Variants in IAH1 observed in about 807,000 individuals in gnomAD.
IAH1 encodes isoamyl acetate hydrolyzing esterase 1 (putative).
In IAH1, 24 loss-of-function variants were observed where a neutral mutation model predicts 26.7. That is an observed-to-expected ratio of 0.90 (90% CI 0.65 to 1.26). IAH1 has a LOEUF of 1.26. IAH1 is among the 50% of genes most tolerant of loss of function. IAH1 has a pLI of 0.00. For missense variants in IAH1, 300 were observed against 299.9 expected (o/e 1.00, Z 0.00); for synonymous variants, 140 against 118.5 (o/e 1.18, Z -1.18).
chr2:9,501,254 AAAAAAAAGT>A (rs2124988703), downstream of IAH1, among the ~76,000 whole-genome samples: 1 of 152,350 alleles, frequency 6.6e-6, no homozygotes, highest in Admixed American at 6.5e-5. Context: ...GGGCTGTTAA[AAAAAAAAGT>A]AAGAACAAGA....
At chr2:9,498,572 C>T (rs1012743958), downstream of IAH1, among the ~76,000 whole-genome samples, 2 of 152,180 alleles carry the variant, frequency 1.3e-5, no homozygotes, top group African/African-American at 4.8e-5. Flanking sequence ...AGCAGTAACA[C>T]AAAATGTACA....
downstream of IAH1, chr2:9,490,332 C>T (rs753859098): frequency 3.7e-6 from 6 of 1,614,018 alleles, no homozygotes; most frequent in African/African-American, 1.3e-5. Flanking sequence ...AACCCATCCT[C>T]GTCCATATGT....
intron 5 of IAH1, chr2:9,485,833 G>A (rs574556405): frequency 1.3e-5 from 2 of 152,346 alleles, no homozygotes; most frequent in South Asian, 4.1e-4. Context: ...AGCTTGTTCA[G>A]TAGGGCACAT....
At chr2:9,493,705 A>G, downstream of IAH1, 1 of 1,541,842 alleles carries the variant, frequency 6.5e-7, no homozygotes, top group Non-Finnish European at 9.0e-7. Flanking sequence ...CATCACAGAA[A>G]TTGACTCAGC....
the IAH1 span, chr2:9,505,408 A>C: frequency 5.2e-6 from 8 of 1,549,844 alleles, no homozygotes; most frequent in Middle Eastern, 1.7e-4. Context: ...TAATATCATA[A>C]AAATGTATTC....
downstream of IAH1, chr2:9,493,908 A>ATG (rs999363388): frequency 7.7e-6 from 9 of 1,163,526 alleles, no homozygotes; most frequent in Admixed American, 2.1e-5. Context: ...AATAACTGAC[A>ATG]TGTAAAGGGC....
downstream of IAH1, among the ~76,000 whole-genome samples, chr2:9,492,665 C>T (rs1490106434): frequency 6.6e-6 from 1 of 152,096 alleles, no homozygotes; most frequent in Non-Finnish European, 1.5e-5. Context: ...TATAAAATTC[C>T]TAAGAAATTT....
Position 9,495,451 on chromosome 2 carries a change from G to A in IAH1, c.*222+591G>A, listed in dbSNP as rs147279305. ...GAAAAGGCCGGGAGCAGTGGCTCTC[G>A]CTTGTAATCCCAGCACTTTGGGAGG... On this transcript the variant is annotated intron_variant, in intron 6 of 6. Coordinates refer to the IAH1 transcript ENST00000481367. Among the ~76,000 whole-genome samples, 405 of 152,310 alleles carry A rather than the reference G, an allele frequency of 2.7e-3. 1 individual carries two copies. Among genetic ancestry groups the A allele is most frequent in the African/African-American group, 9.2e-3 (383 of 41,574 alleles).
intron 3 of IAH1, among the ~76,000 whole-genome samples, chr2:9,478,601 AT>A (rs1346257678): frequency 6.6e-6 from 1 of 152,054 alleles, no homozygotes; most frequent in African/African-American, 2.4e-5. Flanking sequence ...ACAGTTAAAT[AT>A]TTTCTAGAGT....
At chr2:9,510,339 G>A in the IAH1 span, among the ~76,000 whole-genome samples, 7 of 151,916 alleles carry the variant, frequency 4.6e-5, no homozygotes, top group Non-Finnish European at 1.0e-4. Context: ...GGTAACACAG[G>A]GAGACCCTAT....
chr2:9,476,120 G>A (rs1420334742), intron 2 of IAH1, 81 bp downstream of exon 2: 17 of 1,206,952 alleles, frequency 1.4e-5, no homozygotes, highest in Middle Eastern at 2.4e-4. Context: ...GGATAGTTCT[G>A]AACAGAACAT....
downstream of IAH1, chr2:9,492,849 G>T: frequency 2.7e-6 from 4 of 1,493,380 alleles, no homozygotes; most frequent in South Asian, 5.0e-5. Flanking sequence ...GGTTGGAGTT[G>T]ATCAAAATTT....
downstream of IAH1, chr2:9,490,550 G>A: frequency 6.3e-7 from 1 of 1,580,518 alleles, no homozygotes. Flanking sequence ...TGATTGATAG[G>A]AATAAAAGAT....
Position 9,488,192 on chromosome 2 carries a change from G to A in IAH1, c.610G>A (p.Gly204Arg), listed in dbSNP as rs1661736160. ...AGATGGACTACATTTGTCTCCAAAG[G>A]GGAATGAATTTTTGTTCTCGCATCT... ...LSDGLHLSPKGNEFLFSHLWP... is the reference protein window; with the variant it reads ...LSDGLHLSPKRNEFLFSHLWP... The change falls in exon 6 of 6, where the codon GGG becomes AGG. Residue 204 changes from glycine (G) to arginine (R), a missense_variant. By Grantham distance (125) the Gly-to-Arg change is moderately radical (BLOSUM62 -2). Coordinates refer to ENST00000497473, the MANE Select transcript of IAH1 (RefSeq NM_001039613.3). The A allele has an allele frequency of 3.7e-6, 6 of 1,612,936 alleles. No homozygotes were observed. In the Admixed American group the frequency reaches 6.7e-5, roughly 18 times the overall value.
At chr2:9,502,175 G>C in the IAH1 span, 2 of 1,613,480 alleles carry the variant, frequency 1.2e-6, no homozygotes, top group Non-Finnish European at 1.7e-6. Flanking sequence ...ACACGAACCT[G>C]TGCAGTAGGA....
At chr2:9,504,793 CT>C in the IAH1 span, among the ~76,000 whole-genome samples, 1 of 150,820 alleles carries the variant, frequency 6.6e-6, no homozygotes, top group African/African-American at 2.4e-5. Flanking sequence ...ATTCTTTTAA[CT>C]ATAGGACTGC....
intron 4 of IAH1, among the ~76,000 whole-genome samples, chr2:9,483,109 A>T (rs1031254208): frequency 3.9e-5 from 6 of 152,270 alleles, no homozygotes; most frequent in African/African-American, 1.4e-4. Flanking sequence ...AAAATAATAT[A>T]TATGAAATTC....
chr2:9,509,570 T>C, the IAH1 span, among the ~76,000 whole-genome samples: 243 of 152,346 alleles, frequency 1.6e-3, 1 homozygote, highest in African/African-American at 5.7e-3. Context: ...AGGCAAACTA[T>C]GTGTTTAACT....
At chr2:9,477,576 C>A (rs1660890996) in intron 2 of IAH1, among the ~76,000 whole-genome samples, 1 of 152,020 alleles carries the variant, frequency 6.6e-6, no homozygotes, top group Non-Finnish European at 1.5e-5. Context: ...TGGGATTCTC[C>A]TCACTTTACA....
Sources: allele counts gnomAD v4.1 joint callset (sites outside exome capture counted in the v4.1 genomes callset), GRCh38; gene constraint gnomAD v4.1.1; transcripts MANE v1.5; gene names NCBI Gene and HGNC (gene_info 2026-07-23, HGNC 2026-07-21).